The following ZXDC variants were observed in gnomAD, a reference collection of about 807,000 sequenced individuals.
The protein encoded by ZXDC is ZXD family zinc finger C, also known as zinc finger protein ZXDC.
Under a neutral mutation model 63.6 loss-of-function variants are expected in ZXDC, and 58 were observed. That is an observed-to-expected ratio of 0.91 (90% CI 0.74 to 1.13). The LOEUF is 1.13. Ranked by LOEUF, ZXDC falls within the 50% of genes most tolerant of loss-of-function variation. ZXDC has a pLI of 0.00. For synonymous variants in ZXDC, 561 were observed against 496.1 expected (o/e 1.13, Z -1.74); for missense variants, 1,133 against 1,148.9 (o/e 0.99, Z 0.20).
chr3:126,471,985 A>T lies in ZXDC; in HGVS notation c.1127T>A (p.Leu376Gln), dbSNP rs1441255936. Residue 376 changes from leucine to glutamine, a missense_variant, in exon 3 of 10, where the codon CTA becomes CAA. Coordinates refer to ENST00000389709, the MANE Select transcript of ZXDC (RefSeq NM_025112.5). The stretch of plus-strand genomic sequence containing the variant: ...ATGTAAGGATTACCTTCTGTGCCTT[A>T]GAAGTTTGGACATGCTGGTGAAGGT... ...GWTFTSMSKL[L>Q]RHRRKHDDDR... 1 of 1,613,184 alleles carries T rather than the reference A, an allele frequency of 6.2e-7. No homozygotes were observed.
intron 7 of ZXDC, among the ~76,000 whole-genome samples, chr3:126,444,655 TTTA>T (rs1933814983): frequency 6.6e-6 from 1 of 152,234 alleles, no homozygotes; most frequent in Non-Finnish European, 1.5e-5. Flanking sequence ...ATATCAAGTA[TTTA>T]TTATCAAGTT....
At position 126,472,020 on chromosome 3, in the gene ZXDC, G is replaced by A; in HGVS notation, c.1092C>T (p.Ser364=). Residue 364 remains serine (S), a synonymous_variant, in exon 3 of 10, where the codon AGC becomes AGT. Coordinates refer to ENST00000389709, the MANE Select transcript of ZXDC (RefSeq NM_025112.5). ...ACATGCTGGTGAAGGTCCAGCCACA[G>A]CTGTCAGAGTCACAAATAAATGGTC... The part of the protein sequence containing the change: ...GERPFICDSD[S]CGWTFTSMSK... The A allele has an allele frequency of 6.2e-7, 1 of 1,613,762 alleles. No homozygotes were observed. Among genetic ancestry groups the A allele is most frequent in the South Asian group, 1.1e-5 (1 of 90,912 alleles).
At chr3:126,474,886 T>C in intron 1 of ZXDC, 73 bp downstream of exon 1, 3 of 1,476,036 alleles carry the variant, frequency 2.0e-6, no homozygotes, top group Non-Finnish European at 2.7e-6. Flanking sequence ...CAGGCCCCTC[T>C]GTGGGGCGGA....
At chr3:126,472,340 T>C (rs756797835) in intron 1 of ZXDC, 35 bp from the exon 2 acceptor site, 2 of 1,591,724 alleles carry the variant, frequency 1.3e-6, no homozygotes, top group Non-Finnish European at 1.7e-6. Context: ...GCTCAAAGCG[T>C]GGCAAAAATT....
chr3:126,460,605 C>T (rs1934487736), intron 6 of ZXDC: 2 of 985,394 alleles, frequency 2.0e-6, no homozygotes, highest in Non-Finnish European at 2.4e-6. Context: ...TGGCCACCTC[C>T]CATCCCTGCC....
At chr3:126,465,467 C>T (rs1934719253) in intron 5 of ZXDC, among the ~76,000 whole-genome samples, 1 of 152,240 alleles carries the variant, frequency 6.6e-6, no homozygotes, top group African/African-American at 2.4e-5. Flanking sequence ...TCGTTACTCC[C>T]AGTCCACTCC....
chr3:126,474,930 A>T, intron 1 of ZXDC, 29 bp downstream of exon 1: 2 of 1,537,834 alleles, frequency 1.3e-6, no homozygotes, highest in South Asian at 1.2e-5. Context: ...AACACCGCGC[A>T]GCCCGCCCGC....
chr3:126,461,485 G>C (rs763665931), intron 6 of ZXDC, 50 bp downstream of exon 6: 15 of 1,549,042 alleles, frequency 9.7e-6, no homozygotes, highest in Non-Finnish European at 1.3e-5. Flanking sequence ...TCAAGACCGA[G>C]TATGAGAGAA....
Position 126,452,323 on chromosome 3 carries a change from G to A in ZXDC, c.2212+7330C>T, listed in dbSNP as rs547181498. ...CCTGCTTGGACTTCTGCATGAAATC[G>A]CACTACAATGCTGTGGGAAGAGTGA... On this transcript the variant is annotated intron_variant, in intron 7 of 9. Coordinates refer to ENST00000389709, the MANE Select transcript of ZXDC (RefSeq NM_025112.5). The A allele has an allele frequency of 1.2e-4, 118 of 985,382 alleles. No individual in the cohort carries two copies. In the South Asian group the frequency reaches 4.8e-3, roughly 40 times the overall value. The allele number at this position is 985,382 out of a possible 1,614,324, so 61.0% of individuals were successfully genotyped here.
chr3:126,453,977 A>G, intron 7 of ZXDC: 6 of 954,598 alleles, frequency 6.3e-6, no homozygotes, highest in Non-Finnish European at 7.5e-6. Context: ...ACATGTATAT[A>G]TATATGTGTA....
intron 8 of ZXDC, chr3:126,440,908 C>T (rs1933650627): frequency 6.1e-6 from 6 of 985,564 alleles, no homozygotes; most frequent in Admixed American, 6.1e-5. Flanking sequence ...AACCCACAAA[C>T]GTGCCTGTTT....
chr3:126,455,046 C>T, intron 7 of ZXDC: 2 of 985,418 alleles, frequency 2.0e-6, no homozygotes, highest in Non-Finnish European at 2.4e-6. Flanking sequence ...TTCTAAATGA[C>T]CCGATTCCAT....
chr3:126,461,206 A>C (rs1274240638), intron 6 of ZXDC: 20 of 1,058,834 alleles, frequency 1.9e-5, no homozygotes, highest in Non-Finnish European at 2.3e-5. Flanking sequence ...TGAGCTGACA[A>C]GCATAGAGGC....
Position 126,461,818 on chromosome 3 carries a change from A to T in ZXDC, c.1844T>A (p.Leu615Gln), listed in dbSNP as rs767973192. The T allele has an allele frequency of 6.2e-7, 1 of 1,614,138 alleles. No homozygotes were observed. ...GTCGTCACTCAAGTTCTTCATGGGC[A>T]GAGCCACCAGACAGCCTAATGCTCC... Reference protein sequence around the residue: ...SAGALGCLVALPMKNLSDDPL... With the variant: ...SAGALGCLVAQPMKNLSDDPL... Residue 615 changes from leucine (L) to glutamine (Q), a missense_variant, in exon 6 of 10, where the codon CTG becomes CAG. Leu to Gln is a moderately radical substitution (Grantham distance 113). Transcript: ENST00000389709.
intron 7 of ZXDC, among the ~76,000 whole-genome samples, chr3:126,456,377 C>T (rs574034114): frequency 2.6e-5 from 4 of 152,340 alleles, no homozygotes; most frequent in South Asian, 4.1e-4. Context: ...GGGCACACAG[C>T]GCCAGCTCAG....
At chr3:126,469,698 C>T (rs1478072651) in intron 4 of ZXDC, among the ~76,000 whole-genome samples, 3 of 152,268 alleles carry the variant, frequency 2.0e-5, no homozygotes, top group South Asian at 2.1e-4. Context: ...CCCACACGCA[C>T]GTGTCTGGTG....
rs977353858 is a variant in ZXDC at position 126,441,807 on chromosome 3, C to T, written c.2352G>A (p.Gly784=). 1 of 1,612,912 alleles carries T rather than the reference C, an allele frequency of 6.2e-7. No individual in the cohort carries two copies. The highest frequency in any genetic ancestry group is 1.7e-5 in the Admixed American group (1 of 59,932). The change falls in exon 8 of 10, where the codon GGG becomes GGA. Residue 784 remains glycine, a synonymous_variant. Transcript: ENST00000389709. ...GGRPGPAPAA[G]VQCGAQGVQV... ...GGACGCCCTGCGCCCCGCACTGCAC[C>T]CCAGCTGCTGGAGCTGGTCCTGGCC...
Position 126,475,578 on chromosome 3 carries a change from G to A in ZXDC, c.288C>T (p.Ala96=). The change falls in exon 1 of 10, where the codon GCC becomes GCT. Residue 96 remains alanine, a synonymous_variant. Transcript: ENST00000389709. ...AAAEAAGSQE[A]EPGSRVNLAS... ...CCAGGTTGACACGGGAGCCAGGCTC[G>A]GCCTCCTGTGATCCGGCAGCCTCGG... The A allele has an allele frequency of 6.9e-7, 1 of 1,444,038 alleles. No homozygotes were observed. The highest frequency in any genetic ancestry group is 9.1e-7 in the Non-Finnish European group (1 of 1,094,152). The allele number at this position is 1,444,038 out of a possible 1,614,324, so 89.5% of individuals were successfully genotyped here. A position where few individuals can be genotyped will look rare whatever the true frequency, so the allele number is the denominator to read the frequency against.
intron 7 of ZXDC, chr3:126,452,222 C>T (rs924766811): frequency 1.2e-5 from 12 of 985,312 alleles, no homozygotes; most frequent in Middle Eastern, 5.2e-4. Flanking sequence ...GTCTTAGCTA[C>T]AGTGCAAATC....
Sources: gnomAD v4.1 joint callset for allele counts (sites outside exome capture counted in the v4.1 genomes callset) on GRCh38, gnomAD v4.1.1 for gene constraint, MANE v1.5 for transcripts, NCBI Gene and HGNC (gene_info 2026-07-23, HGNC 2026-07-21) for gene names.